KIF1A: variants seen among roughly 807,000 people sequenced by gnomAD.
The protein encoded by KIF1A is kinesin-like protein KIF1A.
A neutral mutation model predicts 227.3 loss-of-function variants in KIF1A; 46 were observed. That is an observed-to-expected ratio of 0.20 (90% CI 0.16 to 0.26). The LOEUF (loss-of-function observed/expected upper bound fraction) is 0.26, where lower values mean the gene tolerates loss of function less well. Among genes scored for constraint, KIF1A ranks in the 10% least tolerant of loss-of-function variants. The probability of loss-of-function intolerance (pLI) is 1.00; values close to 1 mark genes in which losing one functional copy is unlikely to be tolerated. For synonymous variants in KIF1A, 1,022 were observed against 1,012.8 expected (o/e 1.01, Z -0.17); for missense variants, 1,683 against 2,485.9 (o/e 0.68, Z 6.87).
At chr2:240,797,227 G>A (rs554265326) in intron 2 of KIF1A, among the ~76,000 whole-genome samples, 1 of 152,324 alleles carries the variant, frequency 6.6e-6, no homozygotes, top group East Asian at 1.9e-4. Flanking sequence ...CCAGTGGTGG[G>A]TGTCCTTATA....
At chr2:240,785,738 C>G (rs369065659) in intron 6 of KIF1A, among the ~76,000 whole-genome samples, 1 of 152,206 alleles carries the variant, frequency 6.6e-6, no homozygotes, top group East Asian at 1.9e-4. Flanking sequence ...AGCACCCCCA[C>G]CCACCAGCCC....
chr2:240,757,665 CGGGGCTGG>C lies in KIF1A; in HGVS notation c.2583-79_2583-72del. 7.3e-7 allele frequency: 1 copy of C among 1,367,278 alleles called. No individual in the cohort carries two copies. The highest frequency in any genetic ancestry group is 9.9e-7 in the Non-Finnish European group (1 of 1,005,490). The allele number at this position is 1,367,278 out of a possible 1,614,324, so 84.7% of individuals were successfully genotyped here. On this transcript the variant is annotated intron_variant, in intron 26 of 48. Transcript: ENST00000498729. The surrounding 1 kb of genome is among the most constrained non-coding windows in gnomAD (Gnocchi z 6.2). ...CGCAGGGACGAACAGGGGCCGGGGC[CGGGGCTGG>C]GGGGCTTCTGTTTAAAACCAAAACC...
At chr2:240,771,260 GGGGCCCAGAGAA>G in intron 14 of KIF1A, 156 bp from the exon 15 acceptor site, 2 of 877,288 alleles carry the variant, frequency 2.3e-6, no homozygotes, top group Non-Finnish European at 3.6e-6. Context: ...AGTAAGAGAT[GGGGCCCAGAGAA>G]GGCAAGAAAC....
intron 38 of KIF1A, among the ~76,000 whole-genome samples, chr2:240,733,449 C>T (rs1211272213): frequency 6.6e-6 from 1 of 152,168 alleles, no homozygotes; most frequent in Non-Finnish European, 1.5e-5. Context: ...ACAGGGGTCC[C>T]TTGACAGGGT....
At chr2:240,717,465 C>T in intron 48 of KIF1A, 59 bp from the exon 49 acceptor site, 1 of 1,525,798 alleles carries the variant, frequency 6.6e-7, no homozygotes, top group Non-Finnish European at 9.0e-7. Context: ...AGGCCATATC[C>T]ACCGTGCCCT....
chr2:240,721,051 G>A lies in KIF1A; in HGVS notation c.4744-13C>T, dbSNP rs199938682. 1.2e-6 allele frequency: 2 copies of A among 1,611,524 alleles called. No individual in the cohort carries two copies. Among genetic ancestry groups the A allele is most frequent in the Non-Finnish European group, 1.7e-6 (2 of 1,179,374 alleles). On this transcript the variant is annotated splice_polypyrimidine_tract_variant and intron_variant, in intron 44 of 48. Transcript: ENST00000498729. ...ACATCTCGGAGAGCTGCGGAGGAGA[G>A]GCCTTTTTCAGGGGACACAGGGAAG...
intron 17 of KIF1A, among the ~76,000 whole-genome samples, chr2:240,767,654 T>C (rs2051380503): frequency 6.6e-6 from 1 of 152,234 alleles, no homozygotes; most frequent in Admixed American, 6.5e-5. Flanking sequence ...CAGCCCCAGC[T>C]CTCAGCATGT....
At chr2:240,747,155 G>A (rs2048697048) in intron 29 of KIF1A, 81 bp downstream of exon 29, 2 of 971,920 alleles carry the variant, frequency 2.1e-6, no homozygotes, top group South Asian at 1.4e-5. Context: ...GGGACACAGG[G>A]GTGTTAGAGG....
intron 35 of KIF1A, 41 bp downstream of exon 35, chr2:240,741,228 A>C (rs543833169): frequency 1.9e-5 from 26 of 1,390,732 alleles, no homozygotes; most frequent in African/African-American, 2.9e-5. Context: ...GCACCCCCCG[A>C]CACACACTCA....
At position 240,724,938 on chromosome 2, in the gene KIF1A, G is replaced by T. The variant is rs910593014; in HGVS notation, c.4256+333C>A. On this transcript the variant is annotated intron_variant, in intron 40 of 48. Transcript: ENST00000498729. ...AGGGAAGAAGGTCACCGGCGGCGGG[G>T]GGGGGGGGGGGGGAACGGTGTGGCC... 3.2e-3 allele frequency: 444 copies of T among 139,298 alleles called. 15 individuals carry two copies. The highest frequency in any genetic ancestry group is 0.011 in the African/African-American group (408 of 36,378). The allele number at this position is 139,298 out of a possible 1,614,324, so 8.6% of individuals were successfully genotyped here.
At chr2:240,781,334 G>C (rs1328173718) in intron 10 of KIF1A, among the ~76,000 whole-genome samples, 2 of 3,050 alleles carry the variant, frequency 6.6e-4, no homozygotes, top group Non-Finnish European at 5.3e-4. Context: ...CACACACACA[G>C]CTCCACACAC....
Position 240,766,745 on chromosome 2 carries a change from T to TCACACACACACACA in KIF1A, c.1684+169_1684+170insTGTGTGTGTGTGTG, listed in dbSNP as rs1263248431. Among the ~76,000 whole-genome samples, 247 of 127,014 alleles carry TCACACACACACACA rather than the reference T, an allele frequency of 1.9e-3. 1 individual carries two copies. Among genetic ancestry groups the TCACACACACACACA allele is most frequent in the East Asian group, 0.012 (46 of 3,692 alleles). 83.3% of individuals were successfully genotyped at this position (127,014 alleles called of 152,430 possible). ...AAATCTCTCTCTCTCTCTCTCTCTC[T>TCACACACACACACA]CTCTCACACACACACACACACACAC... On this transcript the variant is annotated intron_variant, in intron 19 of 48. Transcript: ENST00000498729. The surrounding 1 kb of genome is among the most constrained non-coding windows in gnomAD (Gnocchi z 5.0).
chr2:240,799,214 C>T (rs541707609), intron 1 of KIF1A, among the ~76,000 whole-genome samples: 4 of 152,080 alleles, frequency 2.6e-5, no homozygotes, highest in South Asian at 4.2e-4. Flanking sequence ...GGGGGCACAG[C>T]GAGCCTGGGA....
intron 27 of KIF1A, among the ~76,000 whole-genome samples, chr2:240,753,365 C>A (rs2049447643): frequency 6.6e-6 from 1 of 152,218 alleles, no homozygotes; most frequent in South Asian, 2.1e-4. Flanking sequence ...TGGCTCTCTC[C>A]ACAAGGGCTC....
chr2:240,742,207 T>C (rs981830295), intron 34 of KIF1A, among the ~76,000 whole-genome samples: 4 of 152,146 alleles, frequency 2.6e-5, no homozygotes, highest in African/African-American at 9.7e-5. Context: ...GGCTGACACC[T>C]GGTCACCATG....
At chr2:240,737,534 C>T in intron 37 of KIF1A, 2 of 107,516 alleles carry the variant, frequency 1.9e-5, no homozygotes, top group Non-Finnish European at 3.4e-5. Flanking sequence ...ACCAAAAAGT[C>T]ATGATAATAA....
intron 1 of KIF1A, among the ~76,000 whole-genome samples, chr2:240,800,061 A>G (rs2056821965): frequency 6.6e-6 from 1 of 151,666 alleles, no homozygotes; most frequent in African/African-American, 2.4e-5. Flanking sequence ...ATGATTTCCA[A>G]AGTCTAGAAA....
Position 240,789,722 on chromosome 2 carries a change from T to G in KIF1A, c.107-410A>C, listed in dbSNP as rs773156383. 7.9e-5 allele frequency among the ~76,000 whole-genome samples: 12 copies of G among 152,284 alleles called. No individual in the cohort carries two copies. Among genetic ancestry groups the G allele is most frequent in the Non-Finnish European group, 1.5e-4 (10 of 68,018 alleles). On this transcript the variant is annotated intron_variant, in intron 2 of 48. Transcript: ENST00000498729. This position sits in a 1 kb window ranked among gnomAD's most constrained non-coding sequence, Gnocchi z 4.8. ...CAGGCCTTTATGCTCCGGCTCAGCG[T>G]GCACGTGCCCGAGAAGCGCTGGAAG...
chr2:240,733,629 T>A (rs2047002320), intron 38 of KIF1A, among the ~76,000 whole-genome samples: 1 of 152,122 alleles, frequency 6.6e-6, no homozygotes, highest in African/African-American at 2.4e-5. Context: ...CTGCCACAGT[T>A]GTCAATCATC....
Sources: gnomAD v4.1 joint callset for allele counts (sites outside exome capture counted in the v4.1 genomes callset) on GRCh38, gnomAD v4.1.1 for gene constraint, Gnocchi (gnomAD v3.1) non-coding constraint, MANE v1.5 for transcripts, NCBI Gene and HGNC (gene_info 2026-07-23, HGNC 2026-07-21) for gene names.